ZNF33B: variants seen among roughly 807,000 people sequenced by gnomAD.
ZNF33B encodes the protein zinc finger protein 33B, also known as zinc finger protein 11b (KOX 2).
A neutral mutation model predicts 45.8 loss-of-function variants in ZNF33B; 29 were observed. That is an observed-to-expected ratio of 0.63 (90% CI 0.47 to 0.86). The LOEUF (loss-of-function observed/expected upper bound fraction) is 0.86. ZNF33B is among the 40% of genes least tolerant of loss of function. The pLI is 0.00. For synonymous variants in ZNF33B, 305 were observed against 307.8 expected (o/e 0.99, Z 0.10); for missense variants, 831 against 909.9 (o/e 0.91, Z 1.12).
chr10:42,632,234 A>G (rs1839092251), intron 3 of ZNF33B, 61 bp downstream of exon 3: 13 of 1,569,130 alleles, frequency 8.3e-6, no homozygotes, highest in African/African-American at 6.8e-5. Context: ...CAGACTGCCT[A>G]TATGTTTTAT....
At chr10:42,602,529 C>T (rs529950104) in intron 4 of ZNF33B, among the ~76,000 whole-genome samples, 44 of 152,246 alleles carry the variant, frequency 2.9e-4, no homozygotes, top group African/African-American at 1.0e-3. Flanking sequence ...GAGAGTTTTA[C>T]TTGGTTGGAT....
chr10:42,599,341 T>C (rs1837529546), intron 4 of ZNF33B, among the ~76,000 whole-genome samples: 1 of 152,092 alleles, frequency 6.6e-6, no homozygotes, highest in Non-Finnish European at 1.5e-5. Context: ...TTTCTTCTAC[T>C]ATTATATGGA....
chr10:42,634,045 G>A (rs1045256309), intron 2 of ZNF33B, among the ~76,000 whole-genome samples: 3 of 152,010 alleles, frequency 2.0e-5, no homozygotes, highest in Admixed American at 6.6e-5. Flanking sequence ...ATAATACAGT[G>A]GTGCTCAAAG....
downstream of ZNF33B, among the ~76,000 whole-genome samples, chr10:42,586,537 C>T (rs1419179892): frequency 2.0e-5 from 3 of 152,304 alleles, no homozygotes; most frequent in South Asian, 2.1e-4. Context: ...CTTGAATTCC[C>T]GGGCTCAATC....
chr10:42,579,446 G>A (rs1836793526), intron 1 of ZNF33B, among the ~76,000 whole-genome samples: 1 of 152,174 alleles, frequency 6.6e-6, no homozygotes, highest in African/African-American at 2.4e-5. Flanking sequence ...TGGTTTCTGA[G>A]TTGTTTGTGT....
chr10:42,613,480 A>G (rs973075302), intron 4 of ZNF33B, among the ~76,000 whole-genome samples: 5 of 151,936 alleles, frequency 3.3e-5, no homozygotes, highest in African/African-American at 9.7e-5. Flanking sequence ...CCCAGGAGGC[A>G]GAAGTTGCCA....
At position 42,638,562 on chromosome 10, in the gene ZNF33B, AAC is replaced by A; in HGVS notation, c.-135_-134del. The A allele has an allele frequency of 2.1e-6, 1 of 475,088 alleles. No individual in the cohort carries two copies. Among genetic ancestry groups the A allele is most frequent in the Non-Finnish European group, 4.2e-6 (1 of 237,762 alleles). 29.4% of individuals were successfully genotyped at this position (475,088 alleles called of 1,614,324 possible). A position where few individuals can be genotyped will look rare whatever the true frequency, so the allele number is the denominator to read the frequency against. ...CGCCTCCCACGCAAAACGTGAGACAAACAAAAGGAAAGGCGGAAACGCAGAAA... is the reference window on the plus strand; with the variant it reads ...CGCCTCCCACGCAAAACGTGAGACAAAAAAGGAAAGGCGGAAACGCAGAAA... On this transcript the variant is annotated 5_prime_UTR_variant, in exon 1 of 5. Transcript: ENST00000359467.
chr10:42,589,243 C>T lies in ZNF33B; in HGVS notation c.*3370G>A, dbSNP rs1430363944. 6.6e-6 allele frequency: 1 copy of T among 152,240 alleles called. No homozygotes were observed. Among genetic ancestry groups the T allele is most frequent in the African/African-American group, 2.4e-5 (1 of 41,434 alleles). The allele number at this position is 152,240 out of a possible 1,614,324, so 9.4% of individuals were successfully genotyped here. ...TTAACCCTCCCATCCTCCACAGGCT[C>T]CCCAATTATTAACATCTTGCATCAT... On this transcript the variant is annotated 3_prime_UTR_variant, in exon 5 of 5. Transcript: ENST00000359467.
intron 4 of ZNF33B, among the ~76,000 whole-genome samples, chr10:42,615,074 A>G (rs1272874275): frequency 9.2e-5 from 14 of 152,212 alleles, no homozygotes; most frequent in Non-Finnish European, 1.9e-4. Context: ...ATATTAATAA[A>G]AAGTGTTGGC....
intron 4 of ZNF33B, among the ~76,000 whole-genome samples, chr10:42,618,613 G>C (rs528330460): frequency 4.8e-4 from 73 of 152,178 alleles, no homozygotes; most frequent in African/African-American, 1.8e-3. Flanking sequence ...TTATAAGGCA[G>C]GTCAAATAAG....
intron 4 of ZNF33B, among the ~76,000 whole-genome samples, chr10:42,625,743 G>A (rs533201716): frequency 1.3e-5 from 2 of 152,356 alleles, no homozygotes; most frequent in South Asian, 4.1e-4. Context: ...AAAGTACTGG[G>A]ATTATAGGCA....
intron 1 of ZNF33B, chr10:42,582,633 G>A (rs1836848794): frequency 6.4e-6 from 1 of 155,096 alleles, no homozygotes; most frequent in South Asian, 2.0e-4. Context: ...ATGGGACAGA[G>A]AAGGAAGTGA....
intron 1 of ZNF33B, among the ~76,000 whole-genome samples, chr10:42,637,502 A>G (rs535849909): frequency 6.6e-6 from 1 of 152,362 alleles, no homozygotes; most frequent in African/African-American, 2.4e-5. Flanking sequence ...TGATGTGTGT[A>G]GAAAAGTAGT....
At chr10:42,612,748 CTT>C (rs1477324582) in intron 4 of ZNF33B, among the ~76,000 whole-genome samples, 1 of 152,188 alleles carries the variant, frequency 6.6e-6, no homozygotes, top group Non-Finnish European at 1.5e-5. Flanking sequence ...CTTTGCATCT[CTT>C]TTCTGAAAGA....
intron 4 of ZNF33B, among the ~76,000 whole-genome samples, chr10:42,619,000 T>C (rs2132120346): frequency 6.6e-6 from 1 of 152,274 alleles, no homozygotes; most frequent in Admixed American, 6.5e-5. Flanking sequence ...ACATTTTTCC[T>C]GTTTCTTTGC....
intron 4 of ZNF33B, among the ~76,000 whole-genome samples, chr10:42,612,233 A>T (rs1276314499): frequency 0.024 from 2,909 of 119,264 alleles, 75 homozygotes; most frequent in Admixed American, 0.094. Context: ...ACAGAAGTTG[A>T]TTTTTTTTTT....
downstream of ZNF33B, among the ~76,000 whole-genome samples, chr10:42,584,262 C>G (rs1836883769): frequency 6.6e-6 from 1 of 152,224 alleles, no homozygotes; most frequent in African/African-American, 2.4e-5. Context: ...GCCAGAATGA[C>G]AAGGACAGTG....
intron 4 of ZNF33B, among the ~76,000 whole-genome samples, chr10:42,617,511 A>G (rs964067505): frequency 3.3e-5 from 5 of 152,218 alleles, no homozygotes; most frequent in Non-Finnish European, 5.9e-5. Context: ...CTACAGTCCA[A>G]TATCAACCAA....
intron 1 of ZNF33B, chr10:42,583,181 T>G: frequency 1.3e-6 from 1 of 749,492 alleles, no homozygotes; most frequent in Non-Finnish European, 2.4e-6. Flanking sequence ...TTAGGGTTGA[T>G]GTGAAGATGG....
Sources: allele counts gnomAD v4.1 joint callset (sites outside exome capture counted in the v4.1 genomes callset), GRCh38; gene constraint gnomAD v4.1.1; transcripts MANE v1.5; gene names NCBI Gene and HGNC (gene_info 2026-07-23, HGNC 2026-07-21).